EYS: variants seen among roughly 807,000 people sequenced by gnomAD.
EYS encodes protein eyes shut homolog.
In EYS, 250 loss-of-function variants were observed where a neutral mutation model predicts 282.1. That is an observed-to-expected ratio of 0.89 (90% CI 0.80 to 0.98). EYS has a LOEUF of 0.98. EYS is among the 50% of genes least tolerant of loss of function. The probability of loss-of-function intolerance (pLI) is 0.00; values close to 1 mark genes in which losing one functional copy is unlikely to be tolerated. For missense variants in EYS, 4,016 were observed against 3,709.0 expected (o/e 1.08, Z -2.15); for synonymous variants, 1,355 against 1,282.9 (o/e 1.06, Z -1.20).
intron 28 of EYS, among the ~76,000 whole-genome samples, chr6:64,433,107 C>T (rs1774624366): frequency 6.6e-6 from 1 of 151,940 alleles, no homozygotes; most frequent in Admixed American, 6.6e-5. Context: ...AGCCAGGTTA[C>T]TTTTTCACAG....
chr6:64,029,894 G>C (rs1769736944), intron 33 of EYS, among the ~76,000 whole-genome samples: 1 of 152,240 alleles, frequency 6.6e-6, no homozygotes, highest in African/African-American at 2.4e-5. Flanking sequence ...CTGCAATATG[G>C]AAAGAGAGGG....
At chr6:64,026,265 A>T (rs536376628) in intron 33 of EYS, among the ~76,000 whole-genome samples, 32 of 152,218 alleles carry the variant, frequency 2.1e-4, no homozygotes, top group African/African-American at 7.5e-4. Context: ...GAGTGCAACT[A>T]TTCCGATCAG....
intron 31 of EYS, among the ~76,000 whole-genome samples, chr6:64,192,464 T>C (rs977872047): frequency 1.3e-5 from 2 of 152,128 alleles, no homozygotes; most frequent in Non-Finnish European, 2.9e-5. Flanking sequence ...AACAGCATGG[T>C]ACTGGTATCA....
intron 12 of EYS, among the ~76,000 whole-genome samples, chr6:65,216,750 C>T (rs1277389319): frequency 2.0e-5 from 3 of 151,686 alleles, no homozygotes; most frequent in African/African-American, 7.3e-5. Context: ...CAATCTTAAA[C>T]TGTTATAATT....
At position 64,355,618 on chromosome 6, in the gene EYS, A is replaced by C. The variant is rs1021751495; in HGVS notation, c.6078+33072T>G. On this transcript the variant is annotated intron_variant, in intron 29 of 42. Transcript: ENST00000503581. ...TTGCAGAAGCTTCTAAATAAGTCTA[A>C]AACCACTTTCCTGAGCAGTTTATTT... Among the ~76,000 whole-genome samples the C allele has an allele frequency of 2.4e-4, 37 of 151,642 alleles. 1 individual carries two copies. Among genetic ancestry groups the C allele is most frequent in the Non-Finnish European group, 1.5e-4 (10 of 67,732 alleles).
chr6:64,338,406 A>G (rs1278171442), intron 29 of EYS, among the ~76,000 whole-genome samples: 1 of 151,934 alleles, frequency 6.6e-6, no homozygotes, highest in Non-Finnish European at 1.5e-5. Context: ...AAAAAAACTT[A>G]GGAATATACC....
At chr6:64,178,845 C>T (rs1430382402) in intron 31 of EYS, among the ~76,000 whole-genome samples, 2 of 151,986 alleles carry the variant, frequency 1.3e-5, no homozygotes, top group Non-Finnish European at 2.9e-5. Context: ...TCACTATTAC[C>T]AGGAGACCTA....
chr6:65,248,659 C>T (rs1767242260), intron 12 of EYS, among the ~76,000 whole-genome samples: 1 of 151,784 alleles, frequency 6.6e-6, no homozygotes, highest in African/African-American at 2.4e-5. Flanking sequence ...AATTAGAAAT[C>T]ACATTTAACT....
At chr6:64,040,515 T>C (rs1770340391) in intron 33 of EYS, among the ~76,000 whole-genome samples, 1 of 152,168 alleles carries the variant, frequency 6.6e-6, no homozygotes, top group Admixed American at 6.5e-5. Context: ...ATATACCTAT[T>C]GATTTTCAAA....
chr6:63,769,801 A>G (rs1360230158), intron 40 of EYS, among the ~76,000 whole-genome samples: 11 of 152,062 alleles, frequency 7.2e-5, no homozygotes, highest in African/African-American at 2.7e-4. Context: ...TACTATAGAA[A>G]TTCAACATGA....
At chr6:64,311,651 T>G (rs191210359) in intron 29 of EYS, among the ~76,000 whole-genome samples, 14 of 152,278 alleles carry the variant, frequency 9.2e-5, no homozygotes, top group Non-Finnish European at 1.9e-4. Context: ...GGCAGGTGGT[T>G]TCTGCATTTC....
chr6:64,742,673 A>G (rs575832028), intron 22 of EYS, among the ~76,000 whole-genome samples: 1 of 152,288 alleles, frequency 6.6e-6, no homozygotes, highest in East Asian at 1.9e-4. Flanking sequence ...TCACAGGTGC[A>G]TACTTATTCT....
chr6:63,943,899 A>T (rs914247316), intron 35 of EYS, among the ~76,000 whole-genome samples: 1 of 152,202 alleles, frequency 6.6e-6, no homozygotes, highest in Non-Finnish European at 1.5e-5. Flanking sequence ...ATTCAATAAG[A>T]GGTTTTCCTA....
intron 31 of EYS, among the ~76,000 whole-genome samples, chr6:64,112,859 G>T (rs1773253541): frequency 6.7e-6 from 1 of 150,240 alleles, no homozygotes. Flanking sequence ...TAGTTTTTTG[G>T]TTACAAATGT....
At position 64,301,480 on chromosome 6, in the gene EYS, C is replaced by T. The variant is rs551503676; in HGVS notation, c.6191+5490G>A. On this transcript the variant is annotated intron_variant, in intron 30 of 42. Coordinates refer to ENST00000503581, the MANE Select transcript of EYS (RefSeq NM_001142800.2). ...GTTAATAGGACAGATGGCCCCAGTACTATGCTTTCTAGAATGGGTTTTTTG... is the reference window on the plus strand; with the variant it reads ...GTTAATAGGACAGATGGCCCCAGTATTATGCTTTCTAGAATGGGTTTTTTG... 5.3e-5 allele frequency among the ~76,000 whole-genome samples: 8 copies of T among 152,290 alleles called. No individual in the cohort carries two copies. The East Asian group carries it at 1.4e-3, about 26-fold the overall frequency.
At chr6:63,972,659 C>T (rs1766640146) in intron 35 of EYS, among the ~76,000 whole-genome samples, 1 of 151,868 alleles carries the variant, frequency 6.6e-6, no homozygotes, top group African/African-American at 2.4e-5. Context: ...TCATCTACGT[C>T]ATGTATTTCT....
chr6:65,389,990 C>CT lies in EYS; in HGVS notation c.1185-5491dup, dbSNP rs1210175976. 5.3e-5 allele frequency among the ~76,000 whole-genome samples: 8 copies of CT among 151,900 alleles called. No homozygotes were observed. The South Asian group carries it at 1.5e-3, about 28-fold the overall frequency. On this transcript the variant is annotated intron_variant, in intron 7 of 42. Coordinates refer to ENST00000503581, the MANE Select transcript of EYS (RefSeq NM_001142800.2). ...AGTCATATAATTGGAGGTCCTGTTG[C>CT]TTTTTTAAAAATTTATGAAATTTTG...
At chr6:63,863,239 T>C (rs1480740758) in intron 36 of EYS, among the ~76,000 whole-genome samples, 1 of 152,194 alleles carries the variant, frequency 6.6e-6, no homozygotes, top group Non-Finnish European at 1.5e-5. Context: ...TACCAATTTT[T>C]ATTATTTCTG....
At chr6:65,361,212 G>T (rs1245866147) in intron 8 of EYS, among the ~76,000 whole-genome samples, 1 of 152,030 alleles carries the variant, frequency 6.6e-6, no homozygotes, top group African/African-American at 2.4e-5. Context: ...GGCCTGTTGT[G>T]AGGTGGGGAG....
Sources: allele counts gnomAD v4.1 joint callset (sites outside exome capture counted in the v4.1 genomes callset), GRCh38; gene constraint gnomAD v4.1.1; transcripts MANE v1.5; gene names NCBI Gene and HGNC (gene_info 2026-07-23, HGNC 2026-07-21).